Variants in KCTD1 observed in about 807,000 individuals in gnomAD.
KCTD1 encodes the protein potassium channel tetramerization domain containing 1, also known as BTB/POZ domain-containing protein KCTD1.
Under a neutral mutation model 66.0 loss-of-function variants are expected in KCTD1, and 24 were observed. The ratio of observed to expected loss-of-function variants is 0.36; its 90% confidence interval spans 0.26 to 0.51. KCTD1 has a LOEUF of 0.51. Among genes scored for constraint, KCTD1 ranks in the 20% least tolerant of loss-of-function variants. The pLI, the probability that KCTD1 is intolerant of heterozygous loss-of-function variation, is 0.95. For synonymous variants in KCTD1, 511 were observed against 517.2 expected (o/e 0.99, Z 0.16); for missense variants, 943 against 1,205.2 (o/e 0.78, Z 3.22).
In KCTD1 at chr18:26,472,720, C is replaced by G. The variant is rs73399534; in HGVS notation, c.2133+3795G>C. ...GGCTCAGGTTGGACTAGTGGCCAGTCACTGCTGGAATCTGTGCCCTGGGCA... is the reference window on the plus strand; with the variant it reads ...GGCTCAGGTTGGACTAGTGGCCAGTGACTGCTGGAATCTGTGCCCTGGGCA... On this transcript the variant is annotated intron_variant, in intron 3 of 4. Transcript: ENST00000580059. 1.8e-3 allele frequency among the ~76,000 whole-genome samples: 275 copies of G among 152,344 alleles called. 3 individuals carry two copies. The highest frequency in any genetic ancestry group is 6.0e-3 in the African/African-American group (248 of 41,578).
intron 1 of KCTD1, among the ~76,000 whole-genome samples, chr18:26,512,943 C>T (rs9675481): frequency 0.75 from 113,364 of 151,946 alleles, 43,105 homozygotes; most frequent in Middle Eastern, 0.79. Context: ...ATCATGCCCC[C>T]GCACTCCAGC....
In KCTD1 at chr18:26,582,271, TAAA is replaced by T. The variant is rs34642580; in HGVS notation, c.-16+46873_-16+46875del. Among the ~76,000 whole-genome samples the T allele has an allele frequency of 1.8e-3, 266 of 143,934 alleles. 1 individual carries two copies. The highest frequency in any genetic ancestry group is 3.0e-3 in the East Asian group (15 of 4,992). 94.4% of individuals were successfully genotyped at this position (143,934 alleles called of 152,430 possible). ...CTAGGTGACAGAGTGACACCCCGTC[TAAA>T]AAAAAAAAAAAAGTCAGCAAATAAT... On this transcript the variant is annotated intron_variant, in intron 1 of 4. Coordinates refer to the KCTD1 transcript ENST00000317932.
chr18:26,579,445 C>T (rs921760835), intron 1 of KCTD1, among the ~76,000 whole-genome samples: 27 of 152,050 alleles, frequency 1.8e-4, no homozygotes, highest in Non-Finnish European at 3.1e-4. Context: ...CCAGAGAAAA[C>T]GAAAATTGTA....
upstream of KCTD1, among the ~76,000 whole-genome samples, chr18:26,643,731 G>A (rs556883405): frequency 9.2e-5 from 14 of 152,306 alleles, 1 homozygote; most frequent in Middle Eastern, 3.4e-3. Context: ...GGGAGGCCAA[G>A]GCGGGCATAT....
intron 1 of KCTD1, among the ~76,000 whole-genome samples, chr18:26,621,402 T>C (rs1286912249): frequency 2.0e-5 from 3 of 152,072 alleles, no homozygotes; most frequent in Non-Finnish European, 4.4e-5. Context: ...TTCCTAGTTG[T>C]TCCATAAATA....
chr18:26,657,197 G>C (rs1488807452), intron 1 of KCTD1, among the ~76,000 whole-genome samples: 3 of 151,766 alleles, frequency 2.0e-5, no homozygotes, highest in Middle Eastern at 6.9e-3. Context: ...CCCCGCCGCG[G>C]GTCCAAGCGG....
intron 1 of KCTD1, among the ~76,000 whole-genome samples, chr18:26,532,560 T>G (rs970628529): frequency 2.0e-5 from 3 of 152,180 alleles, no homozygotes; most frequent in African/African-American, 7.2e-5. Flanking sequence ...CATGGCTCCC[T>G]GCTGATCACT....
intron 2 of KCTD1, among the ~76,000 whole-genome samples, chr18:26,487,286 A>C (rs998478961): frequency 2.0e-5 from 3 of 152,244 alleles, no homozygotes; most frequent in Non-Finnish European, 2.9e-5. Context: ...GGAAGGAGAC[A>C]GCCTCAGGAC....
chr18:26,573,087 A>C (rs1986147340), intron 1 of KCTD1, among the ~76,000 whole-genome samples: 2 of 151,790 alleles, frequency 1.3e-5, no homozygotes. Flanking sequence ...AATGGCAATA[A>C]CCCCTTTTTA....
At chr18:26,536,561 A>ACACACCCCTTACTCTCCAGGGTGATTT (rs1364630784) in intron 1 of KCTD1, among the ~76,000 whole-genome samples, 4 of 152,174 alleles carry the variant, frequency 2.6e-5, no homozygotes, top group Non-Finnish European at 5.9e-5. Flanking sequence ...TTTCTGAGAT[A>ACACACCCCTTACTCTCCAGGGTGATTT]CTAATACACA....
At chr18:26,635,834 CAGT>C (rs1406792754) in intron 1 of KCTD1, among the ~76,000 whole-genome samples, 3 of 152,180 alleles carry the variant, frequency 2.0e-5, no homozygotes, top group Non-Finnish European at 4.4e-5. Flanking sequence ...ACACCAGGCA[CAGT>C]TGTGCACAAT....
At chr18:26,554,238 C>A (rs192776682) in intron 1 of KCTD1, among the ~76,000 whole-genome samples, 7 of 148,676 alleles carry the variant, frequency 4.7e-5, no homozygotes, top group African/African-American at 1.5e-4. Flanking sequence ...AAAGAAAAGA[C>A]GAAAGACAGA....
intron 1 of KCTD1, among the ~76,000 whole-genome samples, chr18:26,616,997 C>A (rs1337710944): frequency 6.6e-6 from 1 of 152,154 alleles, no homozygotes; most frequent in Non-Finnish European, 1.5e-5. Context: ...ACAAGCAAAC[C>A]TTGCCATTAT....
At chr18:26,609,147 T>C (rs959248891) in intron 1 of KCTD1, among the ~76,000 whole-genome samples, 2 of 151,954 alleles carry the variant, frequency 1.3e-5, no homozygotes, top group East Asian at 3.9e-4. Context: ...TAGGATAAAA[T>C]GTTAAAGTAG....
chr18:26,634,442 A>G (rs1046428286), intron 1 of KCTD1, among the ~76,000 whole-genome samples: 20 of 152,322 alleles, frequency 1.3e-4, no homozygotes, highest in African/African-American at 4.3e-4. Flanking sequence ...TCTGTACCTC[A>G]TTATAGAAAT....
At chr18:26,590,071 G>A (rs1012871380) in intron 1 of KCTD1, among the ~76,000 whole-genome samples, 5 of 152,076 alleles carry the variant, frequency 3.3e-5, no homozygotes, top group South Asian at 2.1e-4. Flanking sequence ...AAGTGAATGC[G>A]TTATTTTATT....
At chr18:26,594,415 T>A (rs1223390852) in intron 1 of KCTD1, among the ~76,000 whole-genome samples, 1 of 152,230 alleles carries the variant, frequency 6.6e-6, no homozygotes, top group Non-Finnish European at 1.5e-5. Context: ...TTTTGTTGGG[T>A]CTCCTTAAAA....
chr18:26,653,843 C>T (rs1407834824), intron 1 of KCTD1, among the ~76,000 whole-genome samples: 1 of 152,214 alleles, frequency 6.6e-6, no homozygotes, highest in Non-Finnish European at 1.5e-5. Context: ...AATAAGCATA[C>T]ATGCTTGCAT....
intron 1 of KCTD1, among the ~76,000 whole-genome samples, chr18:26,634,951 C>T (rs1248225589): frequency 6.6e-6 from 1 of 151,958 alleles, no homozygotes; most frequent in Middle Eastern, 3.4e-3. Flanking sequence ...TAAGGGGGTG[C>T]CAAGAGACTC....
Sources: gnomAD v4.1 joint callset for allele counts (sites outside exome capture counted in the v4.1 genomes callset) on GRCh38, gnomAD v4.1.1 for gene constraint, MANE v1.5 for transcripts, NCBI Gene and HGNC (gene_info 2026-07-23, HGNC 2026-07-21) for gene names.